Variants in YPEL2 observed in about 807,000 individuals in gnomAD.
YPEL2 encodes protein yippee-like 2.
Under a neutral mutation model 19.1 loss-of-function variants are expected in YPEL2, and 2 were observed. That is an observed-to-expected ratio of 0.10 (90% CI 0.04 to 0.33). The LOEUF is 0.33. YPEL2 is among the 10% of genes least tolerant of loss of function. YPEL2 has a pLI of 1.00. For missense variants in YPEL2, 66 were observed against 140.7 expected (o/e 0.47, Z 2.68); for synonymous variants, 52 against 50.0 (o/e 1.04, Z -0.17).
At chr17:59,346,242 A>G (rs1160997178) in intron 1 of YPEL2, among the ~76,000 whole-genome samples, 2 of 152,214 alleles carry the variant, frequency 1.3e-5, no homozygotes, top group East Asian at 3.8e-4. Context: ...AGATGTTGGG[A>G]CAGGCTATGG....
At chr17:59,343,312 T>C (rs1263890687) in intron 1 of YPEL2, among the ~76,000 whole-genome samples, 1 of 152,008 alleles carries the variant, frequency 6.6e-6, no homozygotes, top group Non-Finnish European at 1.5e-5. Context: ...TTAACATTTA[T>C]CAAGGATTTC....
In YPEL2 at chr17:59,353,578, G is replaced by C; in HGVS notation, c.117+52G>C. 3 of 1,361,662 alleles carry C rather than the reference G, an allele frequency of 2.2e-6. No homozygotes were observed. Among genetic ancestry groups the C allele is most frequent in the Non-Finnish European group, 3.2e-6 (3 of 950,782 alleles). The allele number at this position is 1,361,662 out of a possible 1,614,324, so 84.3% of individuals were successfully genotyped here. A position where few individuals can be genotyped will look rare whatever the true frequency, so the allele number is the denominator to read the frequency against. On this transcript the variant is annotated intron_variant, in intron 2 of 4. Coordinates refer to ENST00000312655, the MANE Select transcript of YPEL2 (RefSeq NM_001005404.4). This position sits in a 1 kb window ranked among gnomAD's most constrained non-coding sequence, Gnocchi z 4.8. ...GCCTACCCCGGGGAGGGCGCTTAGT[G>C]CTCCTGAAGTTGCAGAGGTTTACAA...
chr17:59,400,695 G>A lies in YPEL2; in HGVS notation c.*3505G>A, dbSNP rs1033592890. ...GTAACAACTTACAGTGATTCTTCCT[G>A]TTGGAAGAATTTCCAACAAATCAGA... On this transcript the variant is annotated 3_prime_UTR_variant, in exon 5 of 5. Transcript: ENST00000312655. 2.0e-5 allele frequency: 3 copies of A among 152,592 alleles called. No individual in the cohort carries two copies. Among genetic ancestry groups the A allele is most frequent in the African/African-American group, 7.2e-5 (3 of 41,430 alleles). The allele number at this position is 152,592 out of a possible 1,614,324, so 9.5% of individuals were successfully genotyped here.
intron 4 of YPEL2, among the ~76,000 whole-genome samples, chr17:59,394,281 C>T (rs900967897): frequency 6.6e-6 from 1 of 151,038 alleles, no homozygotes; most frequent in Non-Finnish European, 1.5e-5. Context: ...CGGAGGGTCT[C>T]CTCACTTCTC....
At chr17:59,340,718 C>T (rs1341202587) in intron 1 of YPEL2, among the ~76,000 whole-genome samples, 1 of 128,026 alleles carries the variant, frequency 7.8e-6, no homozygotes, top group Non-Finnish European at 1.7e-5. Context: ...CCCAGCCGAA[C>T]TTTTTTTTTT....
chr17:59,393,723 G>T (rs1372640058), intron 4 of YPEL2, among the ~76,000 whole-genome samples: 2 of 148,310 alleles, frequency 1.3e-5, no homozygotes, highest in African/African-American at 2.5e-5. Context: ...CTCTTAACGA[G>T]CATGCTGCCT....
intron 2 of YPEL2, among the ~76,000 whole-genome samples, chr17:59,361,055 C>T (rs1446741359): frequency 6.6e-6 from 1 of 152,126 alleles, no homozygotes; most frequent in Admixed American, 6.5e-5. Context: ...TGGTCTCGAC[C>T]TCCTGACCTC....
intron 1 of YPEL2, among the ~76,000 whole-genome samples, chr17:59,347,058 T>C (rs1357836333): frequency 1.3e-5 from 2 of 152,220 alleles, no homozygotes; most frequent in African/African-American, 2.4e-5. Flanking sequence ...TCCGAAGCTA[T>C]GCATGGGCGT....
intron 2 of YPEL2, among the ~76,000 whole-genome samples, chr17:59,376,973 AAACAAAGAAAAAGG>A (rs2047924966): frequency 1.4e-5 from 2 of 146,462 alleles, no homozygotes; most frequent in Non-Finnish European, 3.0e-5. Flanking sequence ...AAAAAAAAAA[AAACAAAGAAAAAGG>A]AAAGAAAGAA....
chr17:59,378,371 T>G (rs2047932811), intron 2 of YPEL2, among the ~76,000 whole-genome samples: 1 of 150,528 alleles, frequency 6.6e-6, no homozygotes, highest in South Asian at 2.1e-4. Flanking sequence ...TTGAGACAAG[T>G]TCTCACTCTG....
rs1482451476 is a variant in YPEL2 at position 59,399,846 on chromosome 17, T to A, written c.*2656T>A. The A allele has an allele frequency of 6.6e-6, 1 of 152,572 alleles. No homozygotes were observed. Among genetic ancestry groups the A allele is most frequent in the Non-Finnish European group, 1.5e-5 (1 of 68,028 alleles). The allele number at this position is 152,572 out of a possible 1,614,324, so 9.5% of individuals were successfully genotyped here. The stretch of plus-strand genomic sequence containing the variant: ...TTGACTTAGAGCATAACCAAAGACC[T>A]CATTCATTCACCCCAGGTGGGTTGG... On this transcript the variant is annotated 3_prime_UTR_variant, in exon 5 of 5. Transcript: ENST00000312655.
At chr17:59,391,663 C>T (rs141117672) in intron 4 of YPEL2, among the ~76,000 whole-genome samples, 1 of 152,038 alleles carries the variant, frequency 6.6e-6, no homozygotes, top group South Asian at 2.1e-4. Flanking sequence ...TTTGGGAGGC[C>T]GAGGTGGGTG....
intron 4 of YPEL2, among the ~76,000 whole-genome samples, chr17:59,393,660 G>T (rs138998340): frequency 0.55 from 78,424 of 143,478 alleles, 22,194 homozygotes; most frequent in African/African-American, 0.68. Context: ...GGACCCTGCG[G>T]CCTTCCGCAG....
At chr17:59,363,547 A>G (rs1017456245) in intron 2 of YPEL2, among the ~76,000 whole-genome samples, 2 of 151,860 alleles carry the variant, frequency 1.3e-5, no homozygotes, top group African/African-American at 2.4e-5. Flanking sequence ...ACCTGACCTC[A>G]AGTGATCCAC....
rs2048067249 is a variant in YPEL2 at position 59,400,802 on chromosome 17, A to T, written c.*3612A>T. 6.6e-6 allele frequency: 1 copy of T among 152,584 alleles called. No homozygotes were observed. Among genetic ancestry groups the T allele is most frequent in the African/African-American group, 2.4e-5 (1 of 41,422 alleles). 9.5% of individuals were successfully genotyped at this position (152,584 alleles called of 1,614,324 possible). On this transcript the variant is annotated 3_prime_UTR_variant, in exon 5 of 5. Coordinates refer to ENST00000312655, the MANE Select transcript of YPEL2 (RefSeq NM_001005404.4). ...GTGCCTCCTGTTTTCTCGAGTGGGG[A>T]CACTTTAACTACAGTTTACACCTCG... is the stretch of plus-strand genomic sequence containing the variant.
intron 3 of YPEL2, chr17:59,388,731 G>C (rs1334701200): frequency 3.8e-6 from 1 of 260,576 alleles, no homozygotes. Flanking sequence ...TCTGCTGCGG[G>C]ACCTAAGGAG....
intron 4 of YPEL2, among the ~76,000 whole-genome samples, chr17:59,395,525 G>A (rs958681049): frequency 2.0e-5 from 3 of 152,100 alleles, no homozygotes; most frequent in Admixed American, 6.5e-5. Flanking sequence ...CTGTTTATTC[G>A]CTGGGAGAGC....
intron 3 of YPEL2, 127 bp from the exon 4 acceptor site, chr17:59,389,233 C>G (rs2047995983): frequency 2.7e-6 from 2 of 748,778 alleles, no homozygotes; most frequent in African/African-American, 3.5e-5. Flanking sequence ...TGGTTTAGAT[C>G]TGCTCAGCTC....
At chr17:59,395,373 C>T (rs1598056491) in intron 4 of YPEL2, among the ~76,000 whole-genome samples, 1 of 152,182 alleles carries the variant, frequency 6.6e-6, no homozygotes, top group Non-Finnish European at 1.5e-5. Context: ...GGGTACGCCT[C>T]AATTCCTTAC....
Sources: gnomAD v4.1 joint callset for allele counts (sites outside exome capture counted in the v4.1 genomes callset) on GRCh38, gnomAD v4.1.1 for gene constraint, Gnocchi (gnomAD v3.1) non-coding constraint, MANE v1.5 for transcripts, NCBI Gene and HGNC (gene_info 2026-07-23, HGNC 2026-07-21) for gene names.